The following POFUT3 variants were observed in gnomAD, a reference collection of about 807,000 sequenced individuals.
POFUT3 encodes the protein GDP-fucose protein O-fucosyltransferase 3.
chr8:33,327,619 G>A, the POFUT3 span, among the ~76,000 whole-genome samples: 2 of 152,126 alleles, frequency 1.3e-5, no homozygotes, highest in African/African-American at 2.4e-5. Context: ...ATGGGATTCC[G>A]TTTCACACAC....
At chr8:33,429,314 C>A in the POFUT3 span, among the ~76,000 whole-genome samples, 1 of 152,106 alleles carries the variant, frequency 6.6e-6, no homozygotes, top group South Asian at 2.1e-4. Flanking sequence ...TTATGACATG[C>A]CTCACATCAC....
the POFUT3 span, among the ~76,000 whole-genome samples, chr8:33,356,195 G>A: frequency 2.0e-5 from 3 of 152,178 alleles, no homozygotes; most frequent in East Asian, 3.8e-4. Context: ...CCAGTAATGG[G>A]ATGGCTGGGT....
chr8:33,416,346 T>C, the POFUT3 span, among the ~76,000 whole-genome samples: 2,242 of 152,322 alleles, frequency 0.015, 56 homozygotes, highest in African/African-American at 0.05. Context: ...CTCACATCTG[T>C]AATCCCAGCA....
chr8:33,329,036 A>T, the POFUT3 span, among the ~76,000 whole-genome samples: 3 of 152,228 alleles, frequency 2.0e-5, no homozygotes, highest in African/African-American at 7.2e-5. Context: ...ATCGGACATC[A>T]TGTTGAAATA....
the POFUT3 span, among the ~76,000 whole-genome samples, chr8:33,397,169 C>T: frequency 6.6e-6 from 1 of 152,194 alleles, no homozygotes; most frequent in Non-Finnish European, 1.5e-5. Context: ...AATAGTGCTA[C>T]TTCCCTATTA....
chr8:33,309,441 T>C, the POFUT3 span, among the ~76,000 whole-genome samples: 3 of 150,434 alleles, frequency 2.0e-5, no homozygotes, highest in Admixed American at 2.0e-4. Context: ...GAGAGCTTGG[T>C]TGGAGAGTTG....
the POFUT3 span, among the ~76,000 whole-genome samples, chr8:33,379,844 A>ATATATAT: frequency 2.2e-4 from 10 of 44,974 alleles, no homozygotes; most frequent in South Asian, 2.9e-3. Context: ...TAAAAAAAAA[A>ATATATAT]AAATATATAT....
At chr8:33,463,296 G>C in the POFUT3 span, among the ~76,000 whole-genome samples, 1 of 152,080 alleles carries the variant, frequency 6.6e-6, no homozygotes. Flanking sequence ...CTTAAGGCAA[G>C]GAGTTCAAGA....
At chr8:33,392,287 T>A in the POFUT3 span, among the ~76,000 whole-genome samples, 4 of 152,224 alleles carry the variant, frequency 2.6e-5, no homozygotes, top group East Asian at 5.8e-4. Context: ...TGAAAATAGG[T>A]CATTTTGGCA....
the POFUT3 span, among the ~76,000 whole-genome samples, chr8:33,439,893 A>G: frequency 2.1e-4 from 32 of 152,074 alleles, no homozygotes; most frequent in African/African-American, 7.7e-4. Context: ...GAAAAAGAAT[A>G]TATCCAAATT....
chr8:33,386,005 T>C, the POFUT3 span, among the ~76,000 whole-genome samples: 1 of 151,696 alleles, frequency 6.6e-6, no homozygotes, highest in Non-Finnish European at 1.5e-5. Flanking sequence ...CTGGTCAACA[T>C]GGCGGAAACT....
the POFUT3 span, among the ~76,000 whole-genome samples, chr8:33,361,876 G>A: frequency 6.6e-6 from 1 of 151,786 alleles, no homozygotes; most frequent in African/African-American, 2.4e-5. Flanking sequence ...CGATAGCTGT[G>A]GTTATCTTTT....
chr8:33,433,780 T>C, the POFUT3 span, among the ~76,000 whole-genome samples: 1 of 148,748 alleles, frequency 6.7e-6, no homozygotes, highest in Admixed American at 6.7e-5. Context: ...CAAGATTCAG[T>C]CTCGGGAAAA....
chr8:33,444,256 G>A, the POFUT3 span, among the ~76,000 whole-genome samples: 7 of 152,196 alleles, frequency 4.6e-5, no homozygotes, highest in East Asian at 1.9e-4. Flanking sequence ...GCACAGATCT[G>A]ACCGGTGTAA....
At chr8:33,309,187 TATATATATATATACAC>T in the POFUT3 span, among the ~76,000 whole-genome samples, 3 of 113,640 alleles carry the variant, frequency 2.6e-5, 1 homozygote, top group African/African-American at 1.1e-4. Context: ...TATATATATA[TATATATATATATACAC>T]ACACATATTT....
the POFUT3 span, among the ~76,000 whole-genome samples, chr8:33,448,392 T>C: frequency 6.6e-6 from 1 of 152,234 alleles, no homozygotes; most frequent in South Asian, 2.1e-4. Flanking sequence ...GCTATGATCA[T>C]GCCACTGCAT....
the POFUT3 span, among the ~76,000 whole-genome samples, chr8:33,334,599 C>G: frequency 6.6e-6 from 1 of 152,176 alleles, no homozygotes; most frequent in Admixed American, 6.5e-5. Context: ...CAGGTAATAC[C>G]TATGATGCTG....
chr8:33,470,806 C>A, the POFUT3 span, among the ~76,000 whole-genome samples: 1 of 152,168 alleles, frequency 6.6e-6, no homozygotes, highest in Non-Finnish European at 1.5e-5. Flanking sequence ...TGACTAAAGA[C>A]AAATCCCTGA....
the POFUT3 span, chr8:33,389,022 C>A: frequency 7.4e-6 from 12 of 1,614,026 alleles, no homozygotes; most frequent in Non-Finnish European, 4.2e-6. Context: ...TCAAATGCAT[C>A]GATGTAATTG....
Sources: gnomAD v4.1 joint callset for allele counts (sites outside exome capture counted in the v4.1 genomes callset) on GRCh38, gnomAD v4.1.1 for gene constraint, MANE v1.5 for transcripts, NCBI Gene and HGNC (gene_info 2026-07-23, HGNC 2026-07-21) for gene names.